Variants in NAE1 observed in about 807,000 individuals in gnomAD.
NAE1 encodes NEDD8 activating enzyme E1 subunit 1, also known as NEDD8-activating enzyme E1 regulatory subunit.
In NAE1, 59 loss-of-function variants were observed where a neutral mutation model predicts 88.0. The ratio of observed to expected loss-of-function variants is 0.67; its 90% CI spans 0.54 to 0.83. The LOEUF (loss-of-function observed/expected upper bound fraction) is 0.83, where lower values mean the gene tolerates loss of function less well. Ranked by LOEUF, NAE1 falls within the 40% of genes least tolerant of loss-of-function variation. The pLI is 0.00. For missense variants in NAE1, 554 were observed against 632.8 expected (o/e 0.88, Z 1.34); for synonymous variants, 186 against 208.9 (o/e 0.89, Z 0.95).
intron 3 of NAE1, among the ~76,000 whole-genome samples, chr16:66,825,687 G>A (rs927348645): frequency 2.0e-5 from 3 of 152,084 alleles, no homozygotes; most frequent in South Asian, 2.1e-4. Context: ...GTTTTTGCAC[G>A]TAACTGTAAC....
At chr16:66,812,570 T>C (rs976866542) in intron 13 of NAE1, among the ~76,000 whole-genome samples, 2 of 143,210 alleles carry the variant, frequency 1.4e-5, no homozygotes, top group Non-Finnish European at 3.0e-5. Context: ...CAGGCTGGAG[T>C]GCAGTGGCAC....
rs1424838555 is a variant in NAE1, at chr16:66,803,058, G to C, written c.1556C>G (p.Thr519Ser). The C allele has an allele frequency of 6.2e-7, 1 of 1,612,712 alleles. No homozygotes were observed. Among genetic ancestry groups the C allele is most frequent in the Admixed American group, 1.7e-5 (1 of 60,002 alleles). The change falls in exon 20 of 20, where the codon ACT (threonine) becomes AGT (serine). Residue 519 changes from threonine to serine, a missense_variant. By Grantham distance (58) the Thr-to-Ser change is moderately conservative. Transcript: ENST00000290810. ...ITKQFVIFNN[T>S]YIYSGMSQTS... ...TTGTGACATGCCACTGTAAATGTAA[G>C]TATTATTAAAAATTACAAATTGTTT...
At chr16:66,810,196 A>G (rs1959733648) in intron 15 of NAE1, among the ~76,000 whole-genome samples, 178 bp downstream of exon 15, 2 of 152,150 alleles carry the variant, frequency 1.3e-5, no homozygotes, top group South Asian at 4.1e-4. Context: ...CAGTCTTAAA[A>G]TACTCGCCAT....
At chr16:66,830,822 C>T in intron 1 of NAE1, 25 bp downstream of exon 1, 1 of 1,508,600 alleles carries the variant, frequency 6.6e-7, no homozygotes, top group Non-Finnish European at 8.8e-7. Context: ...CCGGCCCGCC[C>T]TCGGCTCGGT....
At chr16:66,810,510 C>A in intron 14 of NAE1, 97 bp from the exon 15 acceptor site, 1 of 1,211,174 alleles carries the variant, frequency 8.3e-7, no homozygotes, top group Non-Finnish European at 1.2e-6. Flanking sequence ...GGAAGGCTTT[C>A]TCCAAGAGCT....
chr16:66,817,863 C>T lies in NAE1; in HGVS notation c.622-376G>A, dbSNP rs138280941. ...ATGGAAGTGGGAAAAAATACATATA[C>T]GCCTTATAGTGTTATGTCATTATTT... On this transcript the variant is annotated intron_variant, in intron 8 of 19. Coordinates refer to ENST00000290810, the MANE Select transcript of NAE1 (RefSeq NM_003905.4). Among the ~76,000 whole-genome samples the T allele has an allele frequency of 3.7e-3, 566 of 152,184 alleles. 4 individuals are homozygous for T. Among genetic ancestry groups the T allele is most frequent in the Non-Finnish European group, 5.2e-3 (353 of 67,994 alleles).
chr16:66,822,671 TTTA>T (rs1325866576), intron 6 of NAE1, among the ~76,000 whole-genome samples: 8 of 146,128 alleles, frequency 5.5e-5, no homozygotes, highest in South Asian at 4.6e-4. Flanking sequence ...TATTTATTTA[TTTA>T]TTTTTTTTTT....
chr16:66,823,348 A>T lies in NAE1; in HGVS notation c.322-42T>A. ...AGAAAAAAACAAACAAAAAAAACCAATTTCACAATCATATTAAACATGGCA... is the reference window on the plus strand; with the variant it reads ...AGAAAAAAACAAACAAAAAAAACCATTTTCACAATCATATTAAACATGGCA... On this transcript the variant is annotated intron_variant, in intron 5 of 19. Coordinates refer to ENST00000290810, the MANE Select transcript of NAE1 (RefSeq NM_003905.4). 2.0e-6 allele frequency: 3 copies of T among 1,490,646 alleles called. 1 individual carries two copies. In the South Asian group the frequency reaches 3.8e-5, roughly 19 times the overall value. 92.3% of individuals were successfully genotyped at this position (1,490,646 alleles called of 1,614,324 possible).
chr16:66,816,756 C>A, intron 10 of NAE1, 84 bp from the exon 11 acceptor site: 2 of 1,291,636 alleles, frequency 1.5e-6, no homozygotes, highest in Non-Finnish European at 2.2e-6. Context: ...CTTGTCAGAT[C>A]CTGCAGAATA....
intron 16 of NAE1, 26 bp from the exon 17 acceptor site, chr16:66,808,639 A>C (rs766440475): frequency 6.8e-6 from 10 of 1,470,512 alleles, no homozygotes; most frequent in Non-Finnish European, 7.6e-6. Context: ...ATTTCAGTTT[A>C]ATTTGGTTAA....
At chr16:66,819,181 A>G (rs1303093502) in intron 7 of NAE1, among the ~76,000 whole-genome samples, 1 of 152,236 alleles carries the variant, frequency 6.6e-6, no homozygotes, top group Non-Finnish European at 1.5e-5. Context: ...AATTTGTTCT[A>G]ACTGGAAAAG....
intron 1 of NAE1, chr16:66,827,697 T>G: frequency 2.7e-6 from 1 of 366,634 alleles, no homozygotes; most frequent in Non-Finnish European, 4.9e-6. Context: ...CTGAAAAGCC[T>G]CACATCAACT....
chr16:66,827,140 T>C (rs1360317317), intron 1 of NAE1, among the ~76,000 whole-genome samples: 3 of 152,154 alleles, frequency 2.0e-5, no homozygotes, highest in Admixed American at 1.3e-4. Flanking sequence ...ATTCTTTGTT[T>C]TGTTTTGAGA....
At chr16:66,826,400 C>T in intron 3 of NAE1, 123 bp downstream of exon 3, 1 of 896,556 alleles carries the variant, frequency 1.1e-6, no homozygotes, top group Non-Finnish European at 1.7e-6. Flanking sequence ...CACTTCCTCA[C>T]CATAATCCCA....
intron 19 of NAE1, among the ~76,000 whole-genome samples, chr16:66,805,267 G>A (rs531321806): frequency 6.6e-6 from 1 of 152,236 alleles, no homozygotes; most frequent in Admixed American, 6.5e-5. Context: ...CCTTGGACTT[G>A]CTTGGAGGAC....
At chr16:66,824,291 T>C (rs142838036) in intron 4 of NAE1, among the ~76,000 whole-genome samples, 111 of 152,260 alleles carry the variant, frequency 7.3e-4, no homozygotes, top group African/African-American at 2.6e-3. Context: ...TTGACTAACA[T>C]GGTTTTGTAA....
In NAE1 at chr16:66,805,946, A is replaced by G; in HGVS notation, c.1411T>C (p.Ser471Pro). ...ACATAATCATCTTTCACCATTACAG[A>G]TAAACCATATTCCTGAAGGAAGCCA... Reference protein sequence around the residue: ...LTGFLQEYGLSVMVKDDYVHE... With the variant: ...LTGFLQEYGLPVMVKDDYVHE... The change falls in exon 18 of 20, where the codon TCT becomes CCT. Residue 471 changes from serine (S) to proline (P), a missense_variant. Ser to Pro is a moderately conservative substitution (Grantham distance 74, BLOSUM62 -1). Transcript: ENST00000290810. 1 of 1,613,246 alleles carries G rather than the reference A, an allele frequency of 6.2e-7. No individual in the cohort carries two copies. The highest frequency in any genetic ancestry group is 1.3e-5 in the African/African-American group (1 of 75,018).
intron 13 of NAE1, among the ~76,000 whole-genome samples, chr16:66,811,716 T>A (rs1166267937): frequency 6.6e-6 from 1 of 152,220 alleles, no homozygotes; most frequent in Non-Finnish European, 1.5e-5. Context: ...AAGTTTTCTT[T>A]ACGTCTATTT....
chr16:66,827,702 T>G (rs1037043218), intron 1 of NAE1: 2 of 374,168 alleles, frequency 5.3e-6, no homozygotes, highest in Non-Finnish European at 9.6e-6. Context: ...AAGCCTCACA[T>G]CAACTTCTAC....
Sources: allele counts gnomAD v4.1 joint callset (sites outside exome capture counted in the v4.1 genomes callset), GRCh38; gene constraint gnomAD v4.1.1; transcripts MANE v1.5; gene names NCBI Gene and HGNC (gene_info 2026-07-23, HGNC 2026-07-21).